WASF3: variants seen among roughly 807,000 people sequenced by gnomAD.
The protein encoded by WASF3 is actin-binding protein WASF3.
Under a neutral mutation model 46.6 loss-of-function variants are expected in WASF3, and 11 were observed. The observed-to-expected ratio is 0.24, with a 90% CI of 0.15 to 0.39. The LOEUF (loss-of-function observed/expected upper bound fraction) is 0.39, where lower values mean the gene tolerates loss of function less well. Ranked by LOEUF, WASF3 falls within the 10% of genes least tolerant of loss-of-function variation. The pLI is 1.00. For missense variants in WASF3, 576 were observed against 669.8 expected (o/e 0.86, Z 1.55); for synonymous variants, 242 against 259.7 (o/e 0.93, Z 0.65).
At chr13:26,645,430 A>G (rs1189159280) in intron 3 of WASF3, among the ~76,000 whole-genome samples, 2 of 152,160 alleles carry the variant, frequency 1.3e-5, no homozygotes, top group African/African-American at 2.4e-5. Context: ...TAGTAGCTCA[A>G]ATTGCCTGTG....
At chr13:26,672,232 G>A (rs1473852072) in intron 6 of WASF3, among the ~76,000 whole-genome samples, 1 of 152,124 alleles carries the variant, frequency 6.6e-6, no homozygotes, top group East Asian at 1.9e-4. Context: ...ACTTTGTTTT[G>A]TTACCATGTT....
At chr13:26,664,010 G>A (rs1321570310) in intron 3 of WASF3, among the ~76,000 whole-genome samples, 1 of 152,194 alleles carries the variant, frequency 6.6e-6, no homozygotes, top group Non-Finnish European at 1.5e-5. Flanking sequence ...TTGAACAGGT[G>A]TGTGCAGGAG....
At chr13:26,549,436 A>C in the WASF3 span, among the ~76,000 whole-genome samples, 1 of 152,054 alleles carries the variant, frequency 6.6e-6, no homozygotes, top group African/African-American at 2.4e-5. Context: ...CTCTCTTTTT[A>C]TTAATAAAGC....
At chr13:26,552,625 T>C in the WASF3 span, among the ~76,000 whole-genome samples, 1 of 144,478 alleles carries the variant, frequency 6.9e-6, no homozygotes, top group African/African-American at 2.6e-5. Context: ...TACTTCATTC[T>C]GAGAACAAGT....
chr13:26,617,409 T>A (rs1383053283), intron 2 of WASF3, among the ~76,000 whole-genome samples: 1 of 152,160 alleles, frequency 6.6e-6, no homozygotes, highest in African/African-American at 2.4e-5. Context: ...ATCTCTTTAT[T>A]TTTATCACTC....
In WASF3 at chr13:26,659,868, G is replaced by T. The variant is rs145638058; in HGVS notation, c.134-5160G>T. On this transcript the variant is annotated intron_variant, in intron 3 of 9. Coordinates refer to ENST00000335327, the MANE Select transcript of WASF3 (RefSeq NM_006646.6). ...TGGGAGAGAAGCAGGCTTATGAGGGGGTATTAGGACTCCATTCAGGGCAAG... is the reference window on the plus strand; with the variant it reads ...TGGGAGAGAAGCAGGCTTATGAGGGTGTATTAGGACTCCATTCAGGGCAAG... Among the ~76,000 whole-genome samples, 3 of 152,130 alleles carry T rather than the reference G, an allele frequency of 2.0e-5. No homozygotes were observed. The East Asian group carries it at 5.8e-4, about 29-fold the overall frequency.
At chr13:26,654,828 T>C (rs1020770880) in intron 3 of WASF3, among the ~76,000 whole-genome samples, 1 of 152,188 alleles carries the variant, frequency 6.6e-6, no homozygotes, top group Non-Finnish European at 1.5e-5. Context: ...TTCCTGTATT[T>C]TCTGTATTTC....
chr13:26,626,559 A>G (rs1355644796), intron 2 of WASF3, among the ~76,000 whole-genome samples: 2 of 152,212 alleles, frequency 1.3e-5, no homozygotes, highest in Admixed American at 1.3e-4. Context: ...TTGAATGTAA[A>G]TGATCTAAAC....
At chr13:26,609,761 G>C (rs551308985) in intron 1 of WASF3, among the ~76,000 whole-genome samples, 2 of 152,244 alleles carry the variant, frequency 1.3e-5, no homozygotes, top group Non-Finnish European at 2.9e-5. Context: ...GGTCCTTAAA[G>C]ATTACCCAGT....
chr13:26,557,920 G>T, intron 1 of WASF3, 101 bp downstream of exon 1: 1 of 269,602 alleles, frequency 3.7e-6, no homozygotes, highest in South Asian at 1.5e-4. Context: ...GCCCCACGGC[G>T]AACTGAAGTT....
upstream of WASF3, among the ~76,000 whole-genome samples, chr13:26,556,842 G>C (rs1879108012): frequency 2.6e-5 from 4 of 151,818 alleles, no homozygotes; most frequent in South Asian, 6.3e-4. Context: ...TGATCCTATT[G>C]GTAAATAAAA....
intron 1 of WASF3, among the ~76,000 whole-genome samples, chr13:26,585,477 A>G (rs1407445668): frequency 6.6e-6 from 1 of 152,130 alleles, no homozygotes; most frequent in Non-Finnish European, 1.5e-5. Flanking sequence ...TCATATGGAG[A>G]GATTTGAAGA....
intron 5 of WASF3, among the ~76,000 whole-genome samples, chr13:26,671,121 G>A (rs188529512): frequency 2.6e-3 from 396 of 152,242 alleles, no homozygotes; most frequent in Non-Finnish European, 3.8e-3. Context: ...TGTTTACTTT[G>A]TATCATGATG....
chr13:26,548,555 A>G, the WASF3 span, among the ~76,000 whole-genome samples: 1 of 152,142 alleles, frequency 6.6e-6, no homozygotes, highest in African/African-American at 2.4e-5. Flanking sequence ...GAAGCTCTGC[A>G]TTTGCTTCTT....
At chr13:26,593,221 T>A (rs1460204692) in intron 1 of WASF3, among the ~76,000 whole-genome samples, 1 of 152,178 alleles carries the variant, frequency 6.6e-6, no homozygotes, top group Non-Finnish European at 1.5e-5. Context: ...ATTTTCTACC[T>A]TTAGCATTAC....
intron 4 of WASF3, among the ~76,000 whole-genome samples, chr13:26,666,323 TTACCCTAGAAAAGA>T (rs1377341623): frequency 6.6e-6 from 1 of 152,220 alleles, no homozygotes; most frequent in Non-Finnish European, 1.5e-5. Context: ...ATGATAAACC[TTACCCTAGAAAAGA>T]TTAATTGGTA....
In WASF3 at chr13:26,677,993, CCTT is replaced by C. The variant is rs1486558247; in HGVS notation, c.716+1272_716+1274del. On this transcript the variant is annotated intron_variant, in intron 7 of 9. Transcript: ENST00000335327. ...AAAAATCTCTCAGTTGAATGATACT[CCTT>C]CTAGCATCTGAGATTATTCCATGTT... 5.9e-5 allele frequency among the ~76,000 whole-genome samples: 9 copies of C among 152,224 alleles called. No homozygotes were observed. The South Asian group carries it at 1.2e-3, about 21-fold the overall frequency.
intron 2 of WASF3, among the ~76,000 whole-genome samples, chr13:26,628,619 C>A (rs560584922): frequency 6.6e-6 from 1 of 152,328 alleles, no homozygotes; most frequent in African/African-American, 2.4e-5. Flanking sequence ...GAGTCAGTTT[C>A]CTCTGCCAGT....
upstream of WASF3, among the ~76,000 whole-genome samples, chr13:26,557,488 T>G (rs1345814778): frequency 1.3e-5 from 2 of 148,232 alleles, no homozygotes; most frequent in African/African-American, 5.0e-5. Context: ...GGACCAAGGG[T>G]GAGAGCCACC....
Sources: allele counts gnomAD v4.1 joint callset (sites outside exome capture counted in the v4.1 genomes callset), GRCh38; gene constraint gnomAD v4.1.1; transcripts MANE v1.5; gene names NCBI Gene and HGNC (gene_info 2026-07-23, HGNC 2026-07-21).